PBRM1: variants seen among roughly 807,000 people sequenced by gnomAD.
The protein encoded by PBRM1 is protein polybromo-1.
A neutral mutation model predicts 194.5 loss-of-function variants in PBRM1; 27 were observed. The observed-to-expected ratio is 0.14, with a 90% CI of 0.10 to 0.19. The LOEUF is 0.19. Among genes scored for constraint, PBRM1 ranks in the 10% least tolerant of loss-of-function variants. The probability of loss-of-function intolerance (pLI) is 1.00; values close to 1 mark genes in which losing one functional copy is unlikely to be tolerated. For synonymous variants in PBRM1, 655 were observed against 693.2 expected (o/e 0.94, Z 0.87); for missense variants, 1,466 against 2,077.2 (o/e 0.71, Z 5.72).
At chr3:52,621,138 A>C (rs1227602274) in intron 13 of PBRM1, among the ~76,000 whole-genome samples, 3 of 152,200 alleles carry the variant, frequency 2.0e-5, no homozygotes, top group African/African-American at 7.2e-5. Context: ...GATAAACTCT[A>C]TAACCAAAAC....
intron 2 of PBRM1, among the ~76,000 whole-genome samples, chr3:52,671,566 T>C (rs2096951347): frequency 6.6e-6 from 1 of 152,226 alleles, no homozygotes; most frequent in Admixed American, 6.5e-5. Flanking sequence ...TACAAGAACT[T>C]GTGCAAGTTC....
chr3:52,669,181 G>A (rs1297626311), intron 2 of PBRM1, among the ~76,000 whole-genome samples: 1 of 151,992 alleles, frequency 6.6e-6, no homozygotes, highest in Non-Finnish European at 1.5e-5. Context: ...CTTGGCTTAC[G>A]TAGCTTAACA....
chr3:52,654,628 G>A (rs1213160105), intron 5 of PBRM1, among the ~76,000 whole-genome samples: 1 of 152,076 alleles, frequency 6.6e-6, no homozygotes, highest in Admixed American at 6.6e-5. Flanking sequence ...ACCTTGAAGG[G>A]GGAATGGGGG....
intron 5 of PBRM1, among the ~76,000 whole-genome samples, chr3:52,652,915 T>G (rs1029426751): frequency 2.0e-5 from 3 of 151,742 alleles, no homozygotes; most frequent in African/African-American, 7.3e-5. Flanking sequence ...GGGCAATCAC[T>G]TGAGCGCAGG....
At chr3:52,600,175 T>C (rs1288572988) in intron 17 of PBRM1, among the ~76,000 whole-genome samples, 1 of 152,182 alleles carries the variant, frequency 6.6e-6, no homozygotes, top group Non-Finnish European at 1.5e-5. Flanking sequence ...TTTTATCTAT[T>C]TGGGGATCTT....
intron 22 of PBRM1, among the ~76,000 whole-genome samples, chr3:52,570,012 G>T (rs543394473): frequency 6.6e-6 from 1 of 151,754 alleles, no homozygotes; most frequent in Admixed American, 6.6e-5. Flanking sequence ...TCACTCTGTC[G>T]CTAGGCTGCA....
chr3:52,639,672 T>C (rs974032532), intron 10 of PBRM1, among the ~76,000 whole-genome samples: 1 of 151,890 alleles, frequency 6.6e-6, no homozygotes, highest in Non-Finnish European at 1.5e-5. Context: ...GTGGAGGTTG[T>C]AGGGAGCCAA....
At chr3:52,653,379 C>T (rs2096546012) in intron 5 of PBRM1, among the ~76,000 whole-genome samples, 1 of 151,666 alleles carries the variant, frequency 6.6e-6, no homozygotes, top group South Asian at 2.1e-4. Context: ...CACCTGAAGT[C>T]AGGAGTTCGA....
intron 22 of PBRM1, among the ~76,000 whole-genome samples, chr3:52,569,941 G>C (rs185980219): frequency 3.3e-5 from 5 of 152,270 alleles, no homozygotes; most frequent in Admixed American, 2.6e-4. Context: ...TTAAATAAGT[G>C]TGATAAGGAC....
At chr3:52,613,612 G>A (rs1259511468) in intron 15 of PBRM1, among the ~76,000 whole-genome samples, 1 of 151,900 alleles carries the variant, frequency 6.6e-6, no homozygotes. Flanking sequence ...CGAACGCACT[G>A]GAATTACAGG....
At chr3:52,642,880 G>A (rs1033238375) in intron 9 of PBRM1, among the ~76,000 whole-genome samples, 8 of 150,684 alleles carry the variant, frequency 5.3e-5, no homozygotes, top group Admixed American at 2.7e-4. Context: ...TCCGCCTCCC[G>A]AGTTCAAGCG....
intron 14 of PBRM1, among the ~76,000 whole-genome samples, chr3:52,617,006 T>G (rs1220396871): frequency 2.6e-5 from 4 of 152,116 alleles, no homozygotes; most frequent in African/African-American, 9.7e-5. Flanking sequence ...AAATTGAGGC[T>G]CAGGAAGGAT....
Position 52,609,784 on chromosome 3 carries a change from G to C in PBRM1, c.2096C>G (p.Thr699Ser). The change falls in exon 16 of 30, where the codon ACT becomes AGT. Residue 699 changes from threonine to serine, a missense_variant. Physicochemically the swap from Thr to Ser is moderately conservative, Grantham distance 58 (BLOSUM62 1). This residue lies in a region of PBRM1 where 687 missense variants were observed against 946.2 expected (regional missense o/e 0.73). Transcript: ENST00000296302. The surrounding 1 kb of genome is among the most constrained non-coding windows in gnomAD (Gnocchi z 4.1). The stretch of plus-strand genomic sequence containing the variant: ...TTCCATGTCCATGGGCTTTTTAATA[G>C]TCAGATAGTAGTCAGGCAACTCAGA... 1 of 1,609,802 alleles carries C rather than the reference G, an allele frequency of 6.2e-7. No homozygotes were observed. The highest frequency in any genetic ancestry group is 8.5e-7 in the Non-Finnish European group (1 of 1,178,878).
At chr3:52,552,675 C>T (rs917287207) in intron 27 of PBRM1, among the ~76,000 whole-genome samples, 9 of 152,102 alleles carry the variant, frequency 5.9e-5, no homozygotes, top group African/African-American at 1.9e-4. Context: ...GTCCCAACAC[C>T]CACCAAAAGA....
chr3:52,586,169 C>T (rs549472057), intron 20 of PBRM1: 14 of 287,794 alleles, frequency 4.9e-5, no homozygotes, highest in Non-Finnish European at 9.1e-5. Context: ...CTCCTGATCT[C>T]GTGATCTGCC....
chr3:52,603,912 T>A (rs1264224075), intron 16 of PBRM1, among the ~76,000 whole-genome samples, 180 bp from the exon 19 acceptor site: 1 of 152,184 alleles, frequency 6.6e-6, no homozygotes, highest in African/African-American at 2.4e-5. Context: ...TTTACCATGG[T>A]AAGCCCCATG....
At chr3:52,554,847 G>C in exon 27 of PBRM1, 2 of 1,606,780 alleles carry the variant, frequency 1.2e-6, no homozygotes, top group South Asian at 2.2e-5. Flanking sequence ...CCCTGCAAAG[G>C]TGGAAGGCCT....
intron 2 of PBRM1, among the ~76,000 whole-genome samples, chr3:52,672,844 G>C (rs905203631): frequency 6.6e-6 from 1 of 152,018 alleles, no homozygotes; most frequent in African/African-American, 2.4e-5. Flanking sequence ...CAGCAAGAGA[G>C]GAAAGATGTT....
chr3:52,562,732 G>C (rs1182887111), intron 24 of PBRM1, among the ~76,000 whole-genome samples: 1 of 151,872 alleles, frequency 6.6e-6, no homozygotes, highest in Non-Finnish European at 1.5e-5. Context: ...GTAGAGATGA[G>C]ATCTCACTAT....
Sources: allele counts gnomAD v4.1 joint callset (sites outside exome capture counted in the v4.1 genomes callset), GRCh38; gene constraint gnomAD v4.1.1; regional missense constraint gnomAD v4.1.1; non-coding constraint Gnocchi (gnomAD v3.1); transcripts MANE v1.5; gene names NCBI Gene and HGNC (gene_info 2026-07-23, HGNC 2026-07-21).